The following EYA4 variants were observed in gnomAD, a reference collection of about 807,000 sequenced individuals.
The protein encoded by EYA4 is EYA transcriptional coactivator and phosphatase 4, also known as protein phosphatase EYA4.
In EYA4, 31 loss-of-function variants were observed where a neutral mutation model predicts 87.9. The ratio of observed to expected loss-of-function variants is 0.35; its 90% confidence interval spans 0.27 to 0.48. EYA4 has a LOEUF of 0.48. Among genes scored for constraint, EYA4 ranks in the 20% least tolerant of loss-of-function variants. EYA4 has a pLI of 0.99. For missense variants in EYA4, 678 were observed against 761.4 expected (o/e 0.89, Z 1.29); for synonymous variants, 263 against 270.6 (o/e 0.97, Z 0.28).
chr6:133,297,613 C>T (rs1019124198), intron 2 of EYA4, among the ~76,000 whole-genome samples: 2 of 152,242 alleles, frequency 1.3e-5, no homozygotes, highest in Admixed American at 6.5e-5. Context: ...AGGGCAAACA[C>T]AGCCTGTGCT....
intron 2 of EYA4, among the ~76,000 whole-genome samples, chr6:133,297,668 G>A (rs957395342): frequency 2.0e-5 from 3 of 152,170 alleles, no homozygotes; most frequent in Non-Finnish European, 4.4e-5. Flanking sequence ...TTTGTTCTCT[G>A]AGATATTCCT....
chr6:133,325,055 C>T (rs915252128), intron 2 of EYA4, among the ~76,000 whole-genome samples: 1 of 151,882 alleles, frequency 6.6e-6, no homozygotes, highest in Admixed American at 6.6e-5. Context: ...GGACTACAGT[C>T]GCCCACCACC....
intron 2 of EYA4, among the ~76,000 whole-genome samples, chr6:133,345,833 G>C (rs1343675612): frequency 2.6e-5 from 4 of 152,124 alleles, no homozygotes; most frequent in African/African-American, 9.7e-5. Context: ...ACATTTTGAG[G>C]CATATTTTCC....
chr6:133,445,354 A>G (rs1203542215), intron 3 of EYA4, among the ~76,000 whole-genome samples: 1 of 152,042 alleles, frequency 6.6e-6, no homozygotes, highest in African/African-American at 2.4e-5. Context: ...TTACCTATAT[A>G]TTTACATTTA....
chr6:133,252,943 AC>A (rs1468402022), intron 1 of EYA4, among the ~76,000 whole-genome samples: 1 of 1,646 alleles, frequency 6.1e-4, no homozygotes, highest in Admixed American at 0.011. Context: ...GTACTTGAAA[AC>A]ACACACACAC....
chr6:133,519,690 A>C (rs1311408948), intron 17 of EYA4, among the ~76,000 whole-genome samples: 54 of 109,154 alleles, frequency 4.9e-4, no homozygotes, highest in African/African-American at 1.3e-3. Context: ...GAGACACAAC[A>C]AAAAAAGAGA....
intron 17 of EYA4, among the ~76,000 whole-genome samples, chr6:133,518,136 G>T (rs1342629805): frequency 1.3e-5 from 2 of 152,128 alleles, no homozygotes; most frequent in South Asian, 2.1e-4. Flanking sequence ...GTAGTGGAGT[G>T]TGCATTTCTC....
chr6:133,389,665 C>G (rs978104139), intron 3 of EYA4, among the ~76,000 whole-genome samples: 4 of 152,176 alleles, frequency 2.6e-5, no homozygotes, highest in Non-Finnish European at 5.9e-5. Flanking sequence ...TGTAATTACA[C>G]TTCTTTCCCC....
intron 3 of EYA4, among the ~76,000 whole-genome samples, chr6:133,412,078 T>C (rs1269839574): frequency 6.6e-6 from 1 of 152,216 alleles, no homozygotes; most frequent in African/African-American, 2.4e-5. Context: ...AGAGGGTTAT[T>C]AAGCTTCTGA....
intron 1 of EYA4, among the ~76,000 whole-genome samples, chr6:133,263,065 C>T (rs527832859): frequency 4.3e-4 from 66 of 152,156 alleles, no homozygotes; most frequent in Non-Finnish European, 9.1e-4. Flanking sequence ...TGGTTGGAGC[C>T]AGCCAGTGCC....
intron 3 of EYA4, among the ~76,000 whole-genome samples, chr6:133,412,044 A>G (rs1030614573): frequency 7.2e-5 from 11 of 152,216 alleles, no homozygotes; most frequent in Non-Finnish European, 1.5e-4. Context: ...CTTCAAAGTC[A>G]TTTAAATGGA....
chr6:133,524,006 G>GGCCCT (rs1800410605), intron 18 of EYA4, among the ~76,000 whole-genome samples: 2 of 152,086 alleles, frequency 1.3e-5, no homozygotes, highest in Admixed American at 1.3e-4. Context: ...GTCTGATGTT[G>GGCCCT]GCCCTGGCAA....
intron 3 of EYA4, among the ~76,000 whole-genome samples, chr6:133,411,150 A>G (rs1476810849): frequency 6.6e-6 from 1 of 152,236 alleles, no homozygotes; most frequent in Non-Finnish European, 1.5e-5. Flanking sequence ...GTACAACTGT[A>G]TAAACAGAAG....
intron 2 of EYA4, among the ~76,000 whole-genome samples, chr6:133,317,010 A>G (rs1582936376): frequency 6.6e-6 from 1 of 152,216 alleles, no homozygotes; most frequent in East Asian, 1.9e-4. Flanking sequence ...CCTCATGTGA[A>G]TTCTTTGTCC....
rs58727159 is a variant in EYA4 at position 133,428,911 on chromosome 6, CTTTTTTTTTTTTTTTT to C, written c.84-17703_84-17688del. On this transcript the variant is annotated intron_variant, in intron 3 of 19. Coordinates refer to ENST00000355286, the MANE Select transcript of EYA4 (RefSeq NM_004100.5). ...CTGGGGCTGAGGGTAGATTTAGCTT[CTTTTTTTTTTTTTTTT>C]TTTTTTTTTTTTTTTGTGAAATGGA... Among the ~76,000 whole-genome samples the C allele has an allele frequency of 4.1e-4, 20 of 48,230 alleles. 1 individual carries two copies. Among genetic ancestry groups the C allele is most frequent in the Admixed American group, 2.8e-3 (7 of 2,500 alleles). 31.6% of individuals were successfully genotyped at this position (48,230 alleles called of 152,430 possible).
At chr6:133,356,445 G>A (rs778849640) in intron 2 of EYA4, among the ~76,000 whole-genome samples, 4 of 152,058 alleles carry the variant, frequency 2.6e-5, no homozygotes, top group Admixed American at 6.6e-5. Context: ...AGGGAACTTC[G>A]TGCTTGACTA....
At chr6:133,445,831 C>T (rs144681397) in intron 3 of EYA4, among the ~76,000 whole-genome samples, 4 of 152,296 alleles carry the variant, frequency 2.6e-5, no homozygotes, top group African/African-American at 7.2e-5. Context: ...CCACTCGCCT[C>T]GGCCTCCCGA....
rs117385287 is a variant in EYA4 at position 133,462,076 on chromosome 6, A to G, written c.438-259A>G. The G allele has an allele frequency of 0.015, 7,424 of 484,404 alleles. 94 individuals are homozygous for G. The highest frequency in any genetic ancestry group is 0.027 in the South Asian group (1,268 of 47,708). The allele number at this position is 484,404 out of a possible 1,614,324, so 30.0% of individuals were successfully genotyped here. A position where few individuals can be genotyped will look rare whatever the true frequency, so the allele number is the denominator to read the frequency against. Reference sequence around the variant, plus strand: ...AGACCTGGAAGAGACACAGGTGTAAAATCTAAATCAAATTTCTACTTTTAC... The same window carrying G: ...AGACCTGGAAGAGACACAGGTGTAAGATCTAAATCAAATTTCTACTTTTAC... On this transcript the variant is annotated intron_variant, in intron 7 of 19. Transcript: ENST00000355286.
chr6:133,391,221 TG>T (rs1361295425), intron 3 of EYA4, among the ~76,000 whole-genome samples: 4 of 60,948 alleles, frequency 6.6e-5, no homozygotes, highest in African/African-American at 1.2e-4. Context: ...GTTTTGTTTT[TG>T]TTTTTTTTTT....
Sources: gnomAD v4.1 joint callset for allele counts (sites outside exome capture counted in the v4.1 genomes callset) on GRCh38, gnomAD v4.1.1 for gene constraint, MANE v1.5 for transcripts, NCBI Gene and HGNC (gene_info 2026-07-23, HGNC 2026-07-21) for gene names.